The following LOC128706665 variants were observed in gnomAD, a reference collection of about 807,000 sequenced individuals.
chr20:10,416,666 CTGAATAGT>C, the LOC128706665 span, among the ~76,000 whole-genome samples: 52 of 152,242 alleles, frequency 3.4e-4, no homozygotes, highest in African/African-American at 1.2e-3. Context: ...TTTGGGGTAA[CTGAATAGT>C]TGACGATGGA....
the LOC128706665 span, among the ~76,000 whole-genome samples, chr20:10,416,279 T>C: frequency 6.6e-6 from 1 of 152,142 alleles, no homozygotes; most frequent in Non-Finnish European, 1.5e-5. Context: ...TGAAAGTTTT[T>C]CCTAAAAGCA....
At chr20:10,414,650 T>G in the LOC128706665 span, among the ~76,000 whole-genome samples, 2 of 152,330 alleles carry the variant, frequency 1.3e-5, no homozygotes, top group East Asian at 3.9e-4. Flanking sequence ...TAATTGTGGT[T>G]TGCTTGGAAA....
At chr20:10,428,021 C>T in the LOC128706665 span, among the ~76,000 whole-genome samples, 1 of 152,222 alleles carries the variant, frequency 6.6e-6, no homozygotes, top group Non-Finnish European at 1.5e-5. Context: ...CTGCTCATTG[C>T]TGTGAATTTA....
the LOC128706665 span, among the ~76,000 whole-genome samples, chr20:10,426,205 T>C: frequency 6.6e-6 from 1 of 152,228 alleles, no homozygotes; most frequent in African/African-American, 2.4e-5. Context: ...TGGCATTCAA[T>C]TTAGATGTGA....
At chr20:10,429,484 G>A in the LOC128706665 span, among the ~76,000 whole-genome samples, 1 of 152,120 alleles carries the variant, frequency 6.6e-6, no homozygotes, top group Non-Finnish European at 1.5e-5. Flanking sequence ...AACTGCTACT[G>A]TACACCTTTG....
the LOC128706665 span, among the ~76,000 whole-genome samples, chr20:10,423,927 T>G: frequency 1.3e-5 from 2 of 152,358 alleles, no homozygotes; most frequent in East Asian, 3.9e-4. Flanking sequence ...TAATGTTTAC[T>G]GAACATCTAC....
At chr20:10,431,169 T>A in the LOC128706665 span, among the ~76,000 whole-genome samples, 3 of 152,176 alleles carry the variant, frequency 2.0e-5, no homozygotes, top group Non-Finnish European at 4.4e-5. Context: ...TATATAAAAA[T>A]AGGCACCCCT....
the LOC128706665 span, among the ~76,000 whole-genome samples, chr20:10,414,829 C>T: frequency 1.3e-5 from 2 of 152,150 alleles, no homozygotes; most frequent in Admixed American, 1.3e-4. Flanking sequence ...ATGTTTTAAA[C>T]ACCTGGCTAA....
chr20:10,423,145 A>G, the LOC128706665 span, among the ~76,000 whole-genome samples: 1 of 152,190 alleles, frequency 6.6e-6, no homozygotes, highest in Non-Finnish European at 1.5e-5. Flanking sequence ...AGCTTATAAA[A>G]AGAGATTAGG....
the LOC128706665 span, among the ~76,000 whole-genome samples, chr20:10,433,560 CT>C: frequency 6.6e-6 from 1 of 152,336 alleles, no homozygotes; most frequent in South Asian, 2.1e-4. Flanking sequence ...TGGGTATGGT[CT>C]TATCGGGGAG....
At chr20:10,431,807 G>C in the LOC128706665 span, 2 of 152,150 alleles carry the variant, frequency 1.3e-5, no homozygotes, top group African/African-American at 4.8e-5. Flanking sequence ...GAAAAGTAGA[G>C]AATCTTGTCC....
the LOC128706665 span, among the ~76,000 whole-genome samples, chr20:10,429,674 C>T: frequency 6.6e-6 from 1 of 152,196 alleles, no homozygotes; most frequent in Admixed American, 6.5e-5. Flanking sequence ...TGCTCCTCAT[C>T]AACTCACTCA....
the LOC128706665 span, among the ~76,000 whole-genome samples, chr20:10,417,738 C>G: frequency 1.3e-5 from 2 of 151,794 alleles, no homozygotes; most frequent in East Asian, 3.9e-4. Flanking sequence ...ACATGATTAC[C>G]TAGGATCTAT....
chr20:10,419,169 C>A, the LOC128706665 span, among the ~76,000 whole-genome samples: 2 of 152,046 alleles, frequency 1.3e-5, no homozygotes, highest in Non-Finnish European at 2.9e-5. Flanking sequence ...AAGAGCAGAA[C>A]CTTACACTCA....
At chr20:10,416,876 T>G in the LOC128706665 span, among the ~76,000 whole-genome samples, 2 of 152,230 alleles carry the variant, frequency 1.3e-5, no homozygotes, top group African/African-American at 4.8e-5. Context: ...TTAATTTGTG[T>G]ACTGTGTATG....
the LOC128706665 span, among the ~76,000 whole-genome samples, chr20:10,418,872 TCTAA>T: frequency 6.6e-6 from 1 of 152,130 alleles, no homozygotes; most frequent in Admixed American, 6.5e-5. Context: ...TAATAAATTC[TCTAA>T]CTCCCTGCTT....
At chr20:10,430,076 T>C in the LOC128706665 span, among the ~76,000 whole-genome samples, 1 of 152,254 alleles carries the variant, frequency 6.6e-6, no homozygotes. Flanking sequence ...GTTGTATTCC[T>C]GCTTTGCTTA....
chr20:10,424,643 A>C, the LOC128706665 span, among the ~76,000 whole-genome samples: 1 of 152,168 alleles, frequency 6.6e-6, no homozygotes, highest in Admixed American at 6.5e-5. Context: ...GTAATGTGTT[A>C]TTTATTTTGT....
chr20:10,414,309 AG>A, the LOC128706665 span, among the ~76,000 whole-genome samples: 1 of 134,776 alleles, frequency 7.4e-6, no homozygotes, highest in Non-Finnish European at 1.5e-5. Context: ...CTTGTTGCCC[AG>A]GCTGGAGTGC....
Sources: gnomAD v4.1 joint callset for allele counts (sites outside exome capture counted in the v4.1 genomes callset) on GRCh38, gnomAD v4.1.1 for gene constraint, MANE v1.5 for transcripts.